BRCA1: variants seen among roughly 807,000 people sequenced by gnomAD.
The protein encoded by BRCA1 is BRCA1 DNA repair associated.
BRCA1 carries 140 observed loss-of-function variants against 173.7 expected under a neutral mutation model. The observed-to-expected ratio is 0.81, with a 90% CI of 0.70 to 0.93. BRCA1 has a LOEUF of 0.93. Ranked by LOEUF, BRCA1 falls within the 40% of genes least tolerant of loss-of-function variation. The pLI is 0.00. For synonymous variants in BRCA1, 662 were observed against 756.0 expected (o/e 0.88, Z 2.04); for missense variants, 1,983 against 2,172.5 (o/e 0.91, Z 1.73).
intron 7 of BRCA1, among the ~76,000 whole-genome samples, chr17:43,098,987 T>G (rs1567805421): frequency 6.7e-6 from 1 of 150,276 alleles, no homozygotes; most frequent in Non-Finnish European, 1.5e-5. Context: ...CGGCTAATTT[T>G]TTTTTTTTTT....
Position 43,092,270 on chromosome 17 carries a change from C to A in BRCA1, c.3261G>T (p.Gly1087=), listed in dbSNP as rs1454692887. Residue 1087 remains glycine (G), a synonymous_variant, in exon 10 of 23, where the codon GGG becomes GGT. Coordinates refer to ENST00000357654, the MANE Select transcript of BRCA1 (RefSeq NM_007294.4). ...GPKLNAMLRL[G]VLQPEVYKQS... ...GTTTATAGACCTCAGGTTGCAAAACCCCTAATCTAAGCATAGCATTCAATT... is the reference window on the plus strand; with the variant it reads ...GTTTATAGACCTCAGGTTGCAAAACACCTAATCTAAGCATAGCATTCAATT... 6.2e-7 allele frequency: 1 copy of A among 1,613,568 alleles called. No homozygotes were observed. The highest frequency in any genetic ancestry group is 8.5e-7 in the Non-Finnish European group (1 of 1,180,004).
intron 1 of BRCA1, among the ~76,000 whole-genome samples, chr17:43,137,993 T>C (rs2056041507): frequency 6.7e-6 from 1 of 149,366 alleles, no homozygotes; most frequent in Admixed American, 6.7e-5. Flanking sequence ...TTGAGACCAG[T>C]CTGACCAGCA....
intron 6 of BRCA1, among the ~76,000 whole-genome samples, chr17:43,102,005 C>CA (rs1448288583): frequency 6.6e-6 from 1 of 151,800 alleles, no homozygotes; most frequent in African/African-American, 2.4e-5. Context: ...TATGTTAAAG[C>CA]AATGCTCCAG....
Position 43,045,683 on chromosome 17 carries a change from A to G in BRCA1, c.5587T>C (p.Tyr1863His), listed in dbSNP as rs763740623. ...GTACCTGTGGCTGGCTGCAGTCAGT[A>G]GTGGCTGTGGGGGATCTGGGGTATC... The part of the protein sequence containing the change: ...YLIPQIPHSH[Y>H] Residue 1863 changes from tyrosine to histidine, a missense_variant, in exon 23 of 23, where the codon TAC (tyrosine) becomes CAC (histidine). By Grantham distance (83) the Tyr-to-His change is moderately conservative. Coordinates refer to ENST00000357654, the MANE Select transcript of BRCA1 (RefSeq NM_007294.4). 1 of 1,613,738 alleles carries G rather than the reference A, an allele frequency of 6.2e-7. No homozygotes were observed. Among genetic ancestry groups the G allele is most frequent in the Non-Finnish European group, 8.5e-7 (1 of 1,179,736 alleles).
At chr17:43,147,915 A>G (rs2056134224) in intron 1 of BRCA1, among the ~76,000 whole-genome samples, 1 of 152,108 alleles carries the variant, frequency 6.6e-6, no homozygotes, top group Non-Finnish European at 1.5e-5. Context: ...AGGCACGACA[A>G]ACTTTCCCCT....
At chr17:43,105,755 G>A (rs1223765818) in intron 4 of BRCA1, among the ~76,000 whole-genome samples, 1 of 152,130 alleles carries the variant, frequency 6.6e-6, no homozygotes. Context: ...AGGAAAAACA[G>A]TGTTGAGACA....
chr17:43,098,971 C>T lies in BRCA1; in HGVS notation c.547+804G>A, dbSNP rs2054252710. 2.0e-5 allele frequency among the ~76,000 whole-genome samples: 3 copies of T among 151,378 alleles called. No individual in the cohort carries two copies. In the South Asian group the frequency reaches 6.3e-4, roughly 32 times the overall value. On this transcript the variant is annotated intron_variant, in intron 7 of 22. Coordinates refer to ENST00000357654, the MANE Select transcript of BRCA1 (RefSeq NM_007294.4). ...TAGCTGGGATTACAGGCATAAGCCA[C>T]CACCCCGGCTAATTTTTTTTTTTTT...
Position 43,144,735 on chromosome 17 carries a change from C to T in BRCA1, c.-19-20620G>A, listed in dbSNP as rs35076207. On this transcript the variant is annotated intron_variant, in intron 1 of 7. Coordinates refer to the BRCA1 transcript ENST00000634433. ...TAATATAAGAAAAATAAGAGCAGCT[C>T]CGAGGGCAGGCATGGTGGCTCATGC... 9.9e-3 allele frequency: 2,738 copies of T among 276,212 alleles called. 29 individuals carry two copies. The highest frequency in any genetic ancestry group is 0.015 in the Non-Finnish European group (2,162 of 140,508). The allele number at this position is 276,212 out of a possible 1,614,324, so 17.1% of individuals were successfully genotyped here. A position where few individuals can be genotyped will look rare whatever the true frequency, so the allele number is the denominator to read the frequency against.
intron 1 of BRCA1, chr17:43,139,694 C>T (rs1163152469): frequency 2.8e-6 from 1 of 355,294 alleles, no homozygotes; most frequent in Non-Finnish European, 5.5e-6. Context: ...CTCCTCCCAC[C>T]CTTCACCCTC....
At chr17:43,105,057 C>A (rs990178053) in intron 4 of BRCA1, 101 bp from the exon 5 acceptor site, 6 of 948,358 alleles carry the variant, frequency 6.3e-6, no homozygotes, top group South Asian at 1.4e-5. Context: ...AAATAAGATG[C>A]AGCAACAGTA....
At chr17:43,096,398 A>G (rs2054139316) in intron 8 of BRCA1, among the ~76,000 whole-genome samples, 1 of 145,804 alleles carries the variant, frequency 6.9e-6, no homozygotes, top group Non-Finnish European at 1.5e-5. Flanking sequence ...AAAAAAAGAG[A>G]GAAAGAAAGA....
intron 6 of BRCA1, among the ~76,000 whole-genome samples, 177 bp from the exon 7 acceptor site, chr17:43,100,057 C>T (rs888619747): frequency 3.3e-5 from 5 of 152,110 alleles, no homozygotes; most frequent in African/African-American, 1.2e-4. Context: ...GGGCTGGGAG[C>T]GGTAGCTCAT....
intron 16 of BRCA1, 23 bp from the exon 17 acceptor site, chr17:43,063,974 AG>A: frequency 6.2e-7 from 1 of 1,610,812 alleles, no homozygotes; most frequent in Non-Finnish European, 8.5e-7. Flanking sequence ...AAACACTCAA[AG>A]GATTAGAAGT....
chr17:43,071,576 G>A (rs1003359126), intron 14 of BRCA1, among the ~76,000 whole-genome samples: 2 of 151,840 alleles, frequency 1.3e-5, no homozygotes, highest in African/African-American at 2.4e-5. Context: ...ATTAAATTAC[G>A]ATATACCTAG....
chr17:43,087,440 AT>A (rs1425611914), intron 11 of BRCA1, among the ~76,000 whole-genome samples: 1 of 152,166 alleles, frequency 6.6e-6, no homozygotes, highest in African/African-American at 2.4e-5. Context: ...AGGTGGGTGG[AT>A]CACTTGAGGC....
At chr17:43,076,656 T>C (rs767903443) in intron 12 of BRCA1, 42 bp from the exon 13 acceptor site, 1 of 1,604,886 alleles carries the variant, frequency 6.2e-7, no homozygotes, top group Non-Finnish European at 8.5e-7. Context: ...TACTGCTTTG[T>C]TCTGATAGTG....
At chr17:43,079,810 T>C (rs1396261296) in intron 12 of BRCA1, 4 of 759,442 alleles carry the variant, frequency 5.3e-6, no homozygotes, top group African/African-American at 3.5e-5. Flanking sequence ...AAAAAGACCT[T>C]TGGACTGTAA....
intron 1 of BRCA1, chr17:43,164,725 G>C (rs1168171201): frequency 6.6e-6 from 1 of 152,114 alleles, no homozygotes; most frequent in Non-Finnish European, 1.5e-5. Flanking sequence ...ACACAAGGTA[G>C]GGTCCTTCCA....
chr17:43,165,604 C>T (rs373682880), intron 1 of BRCA1, among the ~76,000 whole-genome samples: 3 of 151,360 alleles, frequency 2.0e-5, no homozygotes, highest in East Asian at 1.9e-4. Context: ...GACAATTCTT[C>T]GATATGCCTC....
Sources: gnomAD v4.1 joint callset for allele counts (sites outside exome capture counted in the v4.1 genomes callset) on GRCh38, gnomAD v4.1.1 for gene constraint, MANE v1.5 for transcripts, NCBI Gene and HGNC (gene_info 2026-07-23, HGNC 2026-07-21) for gene names.